SYNE2: variants seen among roughly 807,000 people sequenced by gnomAD.
The protein encoded by SYNE2 is spectrin repeat containing nuclear envelope protein 2, also known as nesprin-2.
In SYNE2, 431 loss-of-function variants were observed where a neutral mutation model predicts 856.3. The ratio of observed to expected loss-of-function variants is 0.50; its 90% CI spans 0.47 to 0.55. The LOEUF (loss-of-function observed/expected upper bound fraction) is 0.55. Among genes scored for constraint, SYNE2 ranks in the 20% least tolerant of loss-of-function variants. The pLI, the probability that SYNE2 is intolerant of heterozygous loss-of-function variation, is 0.00. For missense variants in SYNE2, 8,129 were observed against 8,023.2 expected (o/e 1.01, Z -0.50); for synonymous variants, 2,923 against 2,872.3 (o/e 1.02, Z -0.56).
At chr14:64,128,580 G>A (rs766041429) in intron 74 of SYNE2, 27 bp downstream of exon 74, 3 of 1,427,628 alleles carry the variant, frequency 2.1e-6, no homozygotes, top group South Asian at 1.1e-5. Flanking sequence ...AATTCAGACT[G>A]ACTTAACTTT....
intron 53 of SYNE2, 139 bp from the exon 54 acceptor site, chr14:64,075,806 C>A: frequency 1.2e-6 from 1 of 834,444 alleles, no homozygotes; most frequent in Non-Finnish European, 2.0e-6. Flanking sequence ...GCTTAATCAG[C>A]TTGTATCACT....
chr14:63,775,797 A>C (rs918143270), intron 1 of SYNE2, among the ~76,000 whole-genome samples: 4 of 152,032 alleles, frequency 2.6e-5, no homozygotes, highest in Non-Finnish European at 4.4e-5. Flanking sequence ...GGGTCCCACT[A>C]TGTTGCCTTG....
chr14:64,150,957 TA>T (rs1375846391), intron 84 of SYNE2, among the ~76,000 whole-genome samples: 3 of 152,136 alleles, frequency 2.0e-5, no homozygotes, highest in Non-Finnish European at 4.4e-5. Flanking sequence ...TAATATTTCA[TA>T]AATTCACCCA....
intron 1 of SYNE2, among the ~76,000 whole-genome samples, chr14:63,824,065 G>A (rs1566590722): frequency 6.6e-6 from 1 of 152,216 alleles, no homozygotes; most frequent in Non-Finnish European, 1.5e-5. Context: ...AAAGAGGAGT[G>A]CAGTGACTCA....
At chr14:64,067,145 A>AT (rs2097364236) in intron 51 of SYNE2, among the ~76,000 whole-genome samples, 2 of 152,316 alleles carry the variant, frequency 1.3e-5, no homozygotes, top group South Asian at 4.1e-4. Flanking sequence ...AATTATTCAC[A>AT]TAAGCATTTG....
intron 65 of SYNE2, among the ~76,000 whole-genome samples, chr14:64,110,470 C>T (rs1220699713): frequency 6.6e-6 from 1 of 151,894 alleles, no homozygotes; most frequent in Non-Finnish European, 1.5e-5. Context: ...AGTTGTGTGA[C>T]CATACAGTGC....
intron 99 of SYNE2, among the ~76,000 whole-genome samples, chr14:64,195,864 TAGCAC>T (rs529764564): frequency 3.5e-4 from 54 of 152,338 alleles, no homozygotes; most frequent in African/African-American, 1.1e-3. Context: ...GGGATTATTT[TAGCAC>T]AGGGAGAGCC....
intron 63 of SYNE2, among the ~76,000 whole-genome samples, chr14:64,101,053 G>A (rs78211956): frequency 0.038 from 5,769 of 152,160 alleles, 336 homozygotes; most frequent in African/African-American, 0.13. Flanking sequence ...CCATTCATTT[G>A]TTGGTGGACA....
At chr14:63,795,763 C>T (rs544728269) in intron 1 of SYNE2, among the ~76,000 whole-genome samples, 7 of 152,090 alleles carry the variant, frequency 4.6e-5, no homozygotes, top group African/African-American at 1.2e-4. Flanking sequence ...AAAGTCCATC[C>T]GATGGTGAAT....
intron 94 of SYNE2, among the ~76,000 whole-genome samples, chr14:64,173,743 C>A (rs2098421568): frequency 6.6e-6 from 1 of 152,118 alleles, no homozygotes; most frequent in South Asian, 2.1e-4. Context: ...GGACCACAGG[C>A]ACTCACCAGA....
Position 64,076,013 on chromosome 14 carries a change from G to A in SYNE2, c.10935G>A (p.Lys3645=). ...ATATTATGGAAAAACTGCGAATCAA[G>A]TATTCCGAAATGTACACCATAGTCC... ...FENIMEKLRI[K]YSEMYTIVPA... Residue 3645 remains lysine (K), a synonymous_variant, in exon 54 of 116, where the codon AAG becomes AAA. Coordinates refer to ENST00000555002, the MANE Select transcript of SYNE2 (RefSeq NM_182914.3). The A allele has an allele frequency of 6.2e-7, 1 of 1,613,936 alleles. No homozygotes were observed. Among genetic ancestry groups the A allele is most frequent in the South Asian group, 1.1e-5 (1 of 91,084 alleles).
Position 63,998,244 on chromosome 14 carries a change from G to A in SYNE2, c.3269G>A (p.Ser1090Asn). The A allele has an allele frequency of 6.2e-7, 1 of 1,613,878 alleles. No homozygotes were observed. Among genetic ancestry groups the A allele is most frequent in the Non-Finnish European group, 8.5e-7 (1 of 1,179,848 alleles). ...GCAATGGAACCCACTATGAAGTTTA[G>A]CCTGGCATCAGTGTTAAGGCCTCTG... The part of the protein sequence containing the change: ...EKAMEPTMKF[S>N]LASVLRPLQE... Residue 1090 changes from serine to asparagine, a missense_variant, in exon 26 of 116, where the codon AGC (serine) becomes AAC (asparagine). Physicochemically the swap from Ser to Asn is conservative, Grantham distance 46. Transcript: ENST00000555002.
intron 1 of SYNE2, among the ~76,000 whole-genome samples, chr14:63,790,119 C>T (rs1462210616): frequency 2.0e-5 from 3 of 152,054 alleles, no homozygotes; most frequent in Non-Finnish European, 4.4e-5. Flanking sequence ...ATTAATTGAG[C>T]CCAGGAGTTC....
intron 1 of SYNE2, among the ~76,000 whole-genome samples, chr14:63,874,995 T>G (rs2094682455): frequency 6.6e-6 from 1 of 152,126 alleles, no homozygotes; most frequent in South Asian, 2.1e-4. Context: ...TCATCTAAAT[T>G]AATTTTATCT....
intron 1 of SYNE2, among the ~76,000 whole-genome samples, chr14:63,902,686 C>T (rs1445944460): frequency 6.6e-6 from 1 of 151,436 alleles, no homozygotes; most frequent in Non-Finnish European, 1.5e-5. Flanking sequence ...TCTTTCTTTC[C>T]TTTTTGTTTT....
At chr14:63,872,446 A>G (rs1897073848) in intron 1 of SYNE2, among the ~76,000 whole-genome samples, 1 of 148,812 alleles carries the variant, frequency 6.7e-6, no homozygotes. Context: ...AAAAAAAAAG[A>G]CAAGAAAAAT....
upstream of SYNE2, among the ~76,000 whole-genome samples, chr14:63,849,021 C>T (rs1381897025): frequency 2.6e-5 from 4 of 152,172 alleles, no homozygotes; most frequent in African/African-American, 9.7e-5. Flanking sequence ...GAGCAATTAG[C>T]CAACATTTAT....
intron 1 of SYNE2, among the ~76,000 whole-genome samples, chr14:63,819,380 C>T (rs537533522): frequency 7.9e-5 from 12 of 151,874 alleles, no homozygotes; most frequent in South Asian, 6.3e-4. Flanking sequence ...TACAGGTGTC[C>T]GTCACTATGC....
chr14:63,818,599 A>C (rs529024290), intron 1 of SYNE2, among the ~76,000 whole-genome samples: 201 of 152,222 alleles, frequency 1.3e-3, no homozygotes, highest in Middle Eastern at 3.4e-3. Context: ...AAGCATCTAC[A>C]TAAAACATAC....
Sources: allele counts gnomAD v4.1 joint callset (sites outside exome capture counted in the v4.1 genomes callset), GRCh38; gene constraint gnomAD v4.1.1; transcripts MANE v1.5; gene names NCBI Gene and HGNC (gene_info 2026-07-23, HGNC 2026-07-21).